GET4: variants seen among roughly 807,000 people sequenced by gnomAD.
GET4 encodes the protein Golgi to ER traffic protein 4 homolog.
In GET4, 20 loss-of-function variants were observed where a neutral mutation model predicts 40.0. The observed-to-expected ratio is 0.50, with a 90% CI of 0.35 to 0.73. GET4 has a LOEUF of 0.73. GET4 is among the 30% of genes least tolerant of loss of function. GET4 has a pLI of 0.01. For missense variants in GET4, 557 were observed against 454.0 expected (o/e 1.23, Z -2.06); for synonymous variants, 280 against 194.6 (o/e 1.44, Z -3.65).
chr7:887,680 C>T (rs1049297550), intron 4 of GET4, among the ~76,000 whole-genome samples, 161 bp downstream of exon 4: 4 of 152,210 alleles, frequency 2.6e-5, no homozygotes, highest in African/African-American at 7.2e-5. Context: ...ATGCTAAGCC[C>T]GGGATCAGAG....
Position 891,967 on chromosome 7 carries a change from G to C in GET4, c.606-311G>C, listed in dbSNP as rs145234222. ...AGTGTTCTGGTGCGGGCCAGCGCCT[G>C]ACCGGTGCGGGCGGCCTCAGGAGAG... is the stretch of plus-strand genomic sequence containing the variant. On this transcript the variant is annotated intron_variant, in intron 5 of 8. Transcript: ENST00000265857. Among the ~76,000 whole-genome samples the C allele has an allele frequency of 5.7e-3, 875 of 152,324 alleles. 6 individuals are homozygous for C. Among genetic ancestry groups the C allele is most frequent in the African/African-American group, 0.019 (804 of 41,594 alleles).
At position 887,566 on chromosome 7, in the gene GET4, G is replaced by A. The variant is rs759607264; in HGVS notation, c.466+47G>A. ...GCGTGGGCACCTCTCTGCTCTCGGC[G>A]TTGATTTGCACTGTGCGTTCCAATA... On this transcript the variant is annotated intron_variant, in intron 4 of 8. Coordinates refer to ENST00000265857, the MANE Select transcript of GET4 (RefSeq NM_015949.3). The A allele has an allele frequency of 5.6e-5, 80 of 1,429,446 alleles. 1 individual carries two copies. In the South Asian group the frequency reaches 9.1e-4, roughly 16 times the overall value. The allele number at this position is 1,429,446 out of a possible 1,614,324, so 88.5% of individuals were successfully genotyped here.
intron 4 of GET4, among the ~76,000 whole-genome samples, chr7:888,135 C>G (rs980173907): frequency 6.6e-6 from 1 of 152,184 alleles, no homozygotes; most frequent in African/African-American, 2.4e-5. Flanking sequence ...GTCAGGAGGC[C>G]TGCTCGGGTC....
Position 893,938 on chromosome 7 carries a change from C to T in GET4, c.862C>T (p.Pro288Ser). Residue 288 changes from proline to serine, a missense_variant, in exon 8 of 9, where the codon CCC becomes TCC. By Grantham distance (74) the Pro-to-Ser change is moderately conservative (BLOSUM62 -1). Coordinates refer to ENST00000265857, the MANE Select transcript of GET4 (RefSeq NM_015949.3). ...AGGACAGCTGTTCTTCGGCGTCCCG[C>T]CCAAGCAGACGTCTTCCTACGGGGG... ...RIGQLFFGVPPKQTSSYGGLL... is the reference protein window; with the variant it reads ...RIGQLFFGVPSKQTSSYGGLL... 6.2e-7 allele frequency: 1 copy of T among 1,607,548 alleles called. No homozygotes were observed. Among genetic ancestry groups the T allele is most frequent in the African/African-American group, 1.3e-5 (1 of 74,940 alleles).
chr7:878,052 A>G, intron 1 of GET4: 1 of 302,174 alleles, frequency 3.3e-6, no homozygotes, highest in South Asian at 2.7e-5. Context: ...CCGAGGGTCC[A>G]GGCTGAGGGT....
intron 1 of GET4, chr7:882,214 G>T (rs979480845): frequency 3.3e-5 from 5 of 152,222 alleles, no homozygotes; most frequent in African/African-American, 1.2e-4. Flanking sequence ...GGGTCGAACG[G>T]TAGTTCTGTT....
rs983106135 is a variant in GET4, at chr7:893,765, C to T, written c.772C>T (p.Leu258=). ...TGGGAAGCTGACGGTGTTCACTGTG[C>T]TGTGTGAGCAGTACCAGCCATCCCT... is the stretch of plus-strand genomic sequence containing the variant. ...DGGKLTVFTV[L]CEQYQPSLRR... is the part of the protein sequence containing the mutation. The change falls in exon 7 of 9, where the codon CTG becomes TTG. Residue 258 remains leucine, a synonymous_variant. Coordinates refer to ENST00000265857, the MANE Select transcript of GET4 (RefSeq NM_015949.3). 17 of 1,609,320 alleles carry T rather than the reference C, an allele frequency of 1.1e-5. No homozygotes were observed. The highest frequency in any genetic ancestry group is 2.7e-5 in the African/African-American group (2 of 74,790).
At chr7:882,461 C>G (rs942073469) in intron 1 of GET4, 1 of 152,378 alleles carries the variant, frequency 6.6e-6, no homozygotes, top group African/African-American at 2.4e-5. Flanking sequence ...AGAAACTGAC[C>G]TGGTTCATCT....
At chr7:884,339 A>G in intron 1 of GET4, 1 of 1,303,982 alleles carries the variant, frequency 7.7e-7, no homozygotes, top group South Asian at 1.2e-5. Flanking sequence ...GACTGGAACT[A>G]GGACGGCCGG....
chr7:877,557 C>T (rs1312575084), intron 1 of GET4, among the ~76,000 whole-genome samples: 3 of 126,122 alleles, frequency 2.4e-5, no homozygotes, highest in Non-Finnish European at 5.0e-5. Context: ...CAGCCTACCA[C>T]TGTCCTCGTC....
intron 6 of GET4, 58 bp downstream of exon 6, chr7:892,476 C>T (rs1844348995): frequency 7.1e-6 from 11 of 1,551,818 alleles, no homozygotes; most frequent in Admixed American, 3.4e-5. Context: ...TGTGTGTAGA[C>T]GTGGTGTGGA....
Position 876,645 on chromosome 7 carries a change from G to C in GET4, c.-1G>C, listed in dbSNP as rs1164743620. Reference sequence around the variant, plus strand: ...TCAGCCCTGCGCGGAGCGCCGGCCCGATGGCGGCGGCGGCGGCGATGGCCG... The same window carrying C: ...TCAGCCCTGCGCGGAGCGCCGGCCCCATGGCGGCGGCGGCGGCGATGGCCG... On this transcript the variant is annotated 5_prime_UTR_variant, in exon 1 of 9. Coordinates refer to ENST00000265857, the MANE Select transcript of GET4 (RefSeq NM_015949.3). The C allele has an allele frequency of 5.5e-6, 7 of 1,266,260 alleles. No individual in the cohort carries two copies. Among genetic ancestry groups the C allele is most frequent in the African/African-American group, 1.6e-5 (1 of 62,556 alleles). The allele number at this position is 1,266,260 out of a possible 1,614,324, so 78.4% of individuals were successfully genotyped here.
chr7:877,132 C>A (rs936036991), intron 1 of GET4, among the ~76,000 whole-genome samples: 6 of 151,622 alleles, frequency 4.0e-5, no homozygotes, highest in Admixed American at 1.3e-4. Context: ...TCTGTCTCCT[C>A]GGCCGCCTCC....
intron 1 of GET4, chr7:883,952 C>G (rs1844136800): frequency 9.4e-7 from 1 of 1,058,806 alleles, no homozygotes; most frequent in African/African-American, 1.7e-5. Flanking sequence ...CCTTGCCCGG[C>G]TCCCAGCTGC....
At chr7:886,194 G>C (rs943651931) in intron 2 of GET4, 60 bp downstream of exon 2, 10 of 1,085,230 alleles carry the variant, frequency 9.2e-6, no homozygotes, top group Non-Finnish European at 1.4e-5. Flanking sequence ...GTGGAGGTGG[G>C]AATGACCTCC....
rs778724010 is a variant in GET4 at position 892,364 on chromosome 7, C to A, written c.692C>A (p.Pro231Gln). 6.3e-7 allele frequency: 1 copy of A among 1,594,186 alleles called. No individual in the cohort carries two copies. Among genetic ancestry groups the A allele is most frequent in the Non-Finnish European group, 8.6e-7 (1 of 1,163,504 alleles). The change falls in exon 6 of 9, where the codon CCG (proline) becomes CAG (glutamine). Residue 231 changes from proline to glutamine, a missense_variant. Coordinates refer to ENST00000265857, the MANE Select transcript of GET4 (RefSeq NM_015949.3). Reference sequence around the variant, plus strand: ...CACCCGTCCATCGAGGACGGGCCTCCGTTTGTGGAGCCGCTGCTTAACTTC... The same window carrying A: ...CACCCGTCCATCGAGGACGGGCCTCAGTTTGTGGAGCCGCTGCTTAACTTC... Reference protein sequence around the residue: ...QKHPSIEDGPPFVEPLLNFIW... With the variant: ...QKHPSIEDGPQFVEPLLNFIW...
chr7:884,347 C>T (rs761009630), intron 1 of GET4: 141 of 1,303,652 alleles, frequency 1.1e-4, no homozygotes, highest in Middle Eastern at 1.1e-3. Context: ...CTAGGACGGC[C>T]GGTCACAGAG....
Position 883,699 on chromosome 7 carries a change from G to GCCCA in GET4, c.156-2356_156-2353dup, listed in dbSNP as rs148059546. On this transcript the variant is annotated intron_variant, in intron 1 of 8. Transcript: ENST00000265857. ...CCGGGCCGGGAGAAGGCCCGGCCAT[G>GCCCA]CCCAGCTGCCCCCCACTCTCCCCGG... 1.5e-5 allele frequency: 15 copies of GCCCA among 985,930 alleles called. No individual in the cohort carries two copies. The East Asian group carries it at 1.7e-3, about 112-fold the overall frequency. 61.1% of individuals were successfully genotyped at this position (985,930 alleles called of 1,614,324 possible).
chr7:887,969 G>A (rs567503544), intron 4 of GET4, among the ~76,000 whole-genome samples: 1 of 152,116 alleles, frequency 6.6e-6, no homozygotes, highest in Non-Finnish European at 1.5e-5. Context: ...TTAGTTCCAG[G>A]TCTGCAGCTC....
Sources: gnomAD v4.1 joint callset for allele counts (sites outside exome capture counted in the v4.1 genomes callset) on GRCh38, gnomAD v4.1.1 for gene constraint, MANE v1.5 for transcripts, NCBI Gene and HGNC (gene_info 2026-07-23, HGNC 2026-07-21) for gene names.